INTS1: variants seen among roughly 807,000 people sequenced by gnomAD.
INTS1 encodes integrator complex subunit 1.
A neutral mutation model predicts 241.6 loss-of-function variants in INTS1; 137 were observed. The ratio of observed to expected loss-of-function variants is 0.57; its 90% CI spans 0.49 to 0.65. The LOEUF (loss-of-function observed/expected upper bound fraction) is 0.65, where lower values mean the gene tolerates loss of function less well. Ranked by LOEUF, INTS1 falls within the 30% of genes least tolerant of loss-of-function variation. INTS1 has a pLI of 0.00. For missense variants in INTS1, 3,073 were observed against 3,032.2 expected (o/e 1.01, Z -0.32); for synonymous variants, 1,692 against 1,337.8 (o/e 1.26, Z -5.78).
At position 1,497,272 on chromosome 7, in the gene INTS1, C is replaced by T; in HGVS notation, c.1468G>A (p.Asp490Asn). 2 of 1,613,458 alleles carry T rather than the reference C, an allele frequency of 1.2e-6. No individual in the cohort carries two copies. The highest frequency in any genetic ancestry group is 1.7e-6 in the Non-Finnish European group (2 of 1,179,758). Residue 490 changes from aspartate to asparagine, a missense_variant, in exon 11 of 48, where the codon GAC (aspartate) becomes AAC (asparagine). Transcript: ENST00000404767. This position sits in a 1 kb window ranked among gnomAD's most constrained non-coding sequence, Gnocchi z 5.3. ...VFQDLLTNKD[D>N]YLRASRALLR... ...AGGGCCCGCGAGGCCCGCAGGTAGT[C>T]GTCCTTGTTGGTCAGCAGGTCCTGG...
At position 1,485,186 on chromosome 7, in the gene INTS1, G is replaced by C; in HGVS notation, c.3173C>G (p.Thr1058Ser). 1 of 1,600,518 alleles carries C rather than the reference G, an allele frequency of 6.2e-7. No individual in the cohort carries two copies. Among genetic ancestry groups the C allele is most frequent in the Non-Finnish European group, 8.5e-7 (1 of 1,179,526 alleles). The stretch of plus-strand genomic sequence containing the variant: ...GTAGGCGCTGATGGTCTGGGGATCA[G>C]TCTCCATGTGGATTGCCTGGAGGGG... ...LALQQAIHME[T>S]DPQTISAYLI... Residue 1058 changes from threonine to serine, a missense_variant, in exon 24 of 48, where the codon ACT becomes AGT. By Grantham distance (58) the Thr-to-Ser change is moderately conservative. Transcript: ENST00000404767.
rs145605530 is a variant in INTS1 at position 1,503,840 on chromosome 7, T to TTCCCAAAGAC, written c.58+62_58+63insGTCTTTGGGA. On this transcript the variant is annotated intron_variant, in intron 2 of 47. Transcript: ENST00000404767. ...AACGCAGGATCCGCGGCAGCTGAGA[T>TTCCCAAAGAC]CCCCAAAGACCCCCAAAGACCCCCA... The TTCCCAAAGAC allele has an allele frequency of 3.5e-4, 314 of 898,544 alleles. 7 individuals carry two copies. In the East Asian group the frequency reaches 0.011, roughly 32 times the overall value. 55.7% of individuals were successfully genotyped at this position (898,544 alleles called of 1,614,324 possible).
intron 14 of INTS1, chr7:1,494,444 C>G: frequency 3.0e-6 from 1 of 331,018 alleles, no homozygotes; most frequent in Non-Finnish European, 5.8e-6. Flanking sequence ...TGAGGCCAGC[C>G]GGCTGGGGAA....
chr7:1,494,955 T>G, intron 13 of INTS1, 62 bp from the exon 14 acceptor site: 1 of 1,538,376 alleles, frequency 6.5e-7, no homozygotes, highest in Non-Finnish European at 8.8e-7. Context: ...GCCCCGTTAG[T>G]TCCAGGGAAG....
rs867108578 is a variant in INTS1, at chr7:1,491,094, C to T, written c.2166-1412G>A. On this transcript the variant is annotated intron_variant, in intron 16 of 47. Transcript: ENST00000404767. ...CACACACCAAGTGGATGACAGACTC[C>T]GGAGACTGATCACCAAACTATAACA... 3.6e-4 allele frequency among the ~76,000 whole-genome samples: 55 copies of T among 152,314 alleles called. 1 individual carries two copies. Among genetic ancestry groups the T allele is most frequent in the Middle Eastern group, 6.8e-3 (2 of 294 alleles).
Position 1,472,326 on chromosome 7 carries a change from G to A in INTS1, c.6131C>T (p.Ala2044Val), listed in dbSNP as rs762056371. 6 of 1,571,982 alleles carry A rather than the reference G, an allele frequency of 3.8e-6. No individual in the cohort carries two copies. Among genetic ancestry groups the A allele is most frequent in the Middle Eastern group, 1.7e-4 (1 of 5,836 alleles). ...VSVSLFTPLT[A>V]AEMAPYMKRL... ...TTTCATGTAGGGGGCCATCTCGGCCGCGGTCAGAGGGGTGAACAGGGAGAC... is the reference window on the plus strand; with the variant it reads ...TTTCATGTAGGGGGCCATCTCGGCCACGGTCAGAGGGGTGAACAGGGAGAC... The change falls in exon 44 of 48, where the codon GCG (alanine) becomes GTG (valine). Residue 2044 changes from alanine to valine, a missense_variant. Ala to Val is a moderately conservative substitution (Grantham distance 64). Coordinates refer to ENST00000404767, the MANE Select transcript of INTS1 (RefSeq NM_001080453.3).
intron 3 of INTS1, among the ~76,000 whole-genome samples, chr7:1,501,572 C>A (rs778423784): frequency 1.3e-5 from 2 of 152,170 alleles, no homozygotes; most frequent in Non-Finnish European, 1.5e-5. Context: ...CGTCTCCTCT[C>A]ATCTTCAAAA....
At chr7:1,479,734 G>A (rs1416943559) in intron 30 of INTS1, 50 bp from the exon 31 acceptor site, 27 of 1,433,332 alleles carry the variant, frequency 1.9e-5, no homozygotes, top group African/African-American at 2.9e-5. Flanking sequence ...GAAGGAGGAG[G>A]AGCGCAGCGG....
At chr7:1,475,115 GGC>G (rs1375943738) in intron 39 of INTS1, among the ~76,000 whole-genome samples, 7 of 152,376 alleles carry the variant, frequency 4.6e-5, no homozygotes, top group African/African-American at 1.7e-4. Context: ...CAGGCGCAGT[GGC>G]TCACGCCTGC....
intron 9 of INTS1, 65 bp downstream of exon 9, chr7:1,498,636 CGCTCCG>C: frequency 1.3e-6 from 2 of 1,530,368 alleles, no homozygotes; most frequent in Non-Finnish European, 1.8e-6. Context: ...CCCGCACCCC[CGCTCCG>C]CCCACACCCC....
Position 1,476,608 on chromosome 7 carries a change from GA to G in INTS1, c.5112del (p.Pro1705LeufsTer34). On this transcript the variant is annotated frameshift_variant, in exon 37 of 48. Transcript: ENST00000404767. LOFTEE classifies it high-confidence loss of function. ...SLDFLWACIH[V>X]PRIWQGRDQR... is the part of the protein sequence containing the mutation. ...TGGTCCCGCCCCTGCCAGATGCGAG[GA>G]ACATGGATGCAGGCCCAGAGGAAGT... is the stretch of plus-strand genomic sequence containing the variant. 6.2e-7 allele frequency: 1 copy of G among 1,612,410 alleles called. No homozygotes were observed. Among genetic ancestry groups the G allele is most frequent in the Non-Finnish European group, 8.5e-7 (1 of 1,179,782 alleles).
In INTS1 at chr7:1,499,373, G is replaced by A; in HGVS notation, c.845-13C>T. 6.4e-7 allele frequency: 1 copy of A among 1,568,476 alleles called. No homozygotes were observed. Among genetic ancestry groups the A allele is most frequent in the Non-Finnish European group, 8.7e-7 (1 of 1,154,200 alleles). The stretch of plus-strand genomic sequence containing the variant: ...TGTGGGCTGCTCCCTGCAAACCAAG[G>A]AGAGGGCTCCATGCAGCGCCTCCCA... On this transcript the variant is annotated splice_polypyrimidine_tract_variant and intron_variant, in intron 6 of 47. Transcript: ENST00000404767.
Position 1,487,041 on chromosome 7 carries a change from C to T in INTS1, c.2707G>A (p.Asp903Asn). The stretch of plus-strand genomic sequence containing the variant: ...CACAGACACTGCACGGGCAGCACGT[C>T]CAGGGAGCCCTCGCTGGACTGTACC... ...DLVQSSEGSL[D>N]VLPVQCLCEF... Residue 903 changes from aspartate (D) to asparagine (N), a missense_variant, in exon 21 of 48, where the codon GAC (aspartate) becomes AAC (asparagine). Transcript: ENST00000404767. The T allele has an allele frequency of 6.3e-7, 1 of 1,584,294 alleles. No homozygotes were observed. The highest frequency in any genetic ancestry group is 1.3e-5 in the African/African-American group (1 of 74,610).
intron 39 of INTS1, 102 bp downstream of exon 39, chr7:1,475,846 G>A (rs1052115623): frequency 5.7e-6 from 8 of 1,393,290 alleles, no homozygotes; most frequent in South Asian, 5.4e-5. Flanking sequence ...GGGCAAGAGG[G>A]GTAGCCGGCG....
rs1465207588 is a variant in INTS1 at position 1,494,891 on chromosome 7, A to C, written c.1835T>G (p.Leu612Arg). The change falls in exon 14 of 48, where the codon CTG (leucine) becomes CGG (arginine). Residue 612 changes from leucine (L) to arginine (R), a missense_variant and splice_region_variant. Physicochemically the swap from Leu to Arg is moderately radical, Grantham distance 102 (BLOSUM62 -2). Transcript: ENST00000404767. The stretch of plus-strand genomic sequence containing the variant: ...CTGCTCTGTGAACAGCACCTTGTGC[A>C]GGCTGGGCAGGCAGAGAAGAGCCCT... ...KLAPKDYVHC[L>R]HKVLFTEQPE... 1.3e-6 allele frequency: 2 copies of C among 1,558,460 alleles called. No individual in the cohort carries two copies. The highest frequency in any genetic ancestry group is 3.8e-5 in the Admixed American group (2 of 51,974).
At chr7:1,494,231 C>T (rs908451061) in intron 14 of INTS1, among the ~76,000 whole-genome samples, 2 of 152,196 alleles carry the variant, frequency 1.3e-5, no homozygotes, top group African/African-American at 4.8e-5. Flanking sequence ...TGGTTCTTGC[C>T]CTCAAGGAGC....
rs116382776 is a variant in INTS1 at position 1,481,903 on chromosome 7, G to A, written c.3704-415C>T. Among the ~76,000 whole-genome samples, 392 of 152,250 alleles carry A rather than the reference G, an allele frequency of 2.6e-3. 3 individuals carry two copies. The highest frequency in any genetic ancestry group is 8.9e-3 in the African/African-American group (371 of 41,556). On this transcript the variant is annotated intron_variant, in intron 27 of 47. Transcript: ENST00000404767. This position sits in a 1 kb window ranked among gnomAD's most constrained non-coding sequence, Gnocchi z 6.8. ...GCCCCATCCCCAGGGGTGGGTGGGC[G>A]CTCCAGAGGGCCTATGGTGGCACGG... is the stretch of plus-strand genomic sequence containing the variant.
At chr7:1,495,083 C>G (rs115050935) in intron 13 of INTS1, among the ~76,000 whole-genome samples, 190 bp from the exon 14 acceptor site, 5,303 of 149,726 alleles carry the variant, frequency 0.035, 315 homozygotes, top group African/African-American at 0.13. Flanking sequence ...TGCCAGGCTG[C>G]ACAGCGGCCG....
Position 1,498,843 on chromosome 7 carries a change from GC to G in INTS1, c.1146del (p.Pro383ArgfsTer6), listed in dbSNP as rs1782994360. On this transcript the variant is annotated frameshift_variant, in exon 9 of 48. Transcript: ENST00000404767. LOFTEE classifies it high-confidence loss of function. ...ACGGACATCAGCAGGTCCTGGGCCG[GC>G]CGGGTCAGCTGCGGGGCCGAGGAGG... is the stretch of plus-strand genomic sequence containing the variant. ...EMWLQNPKLT[R>X]PAQDLLMSVC... The G allele has an allele frequency of 1.2e-6, 2 of 1,603,560 alleles. No individual in the cohort carries two copies. The highest frequency in any genetic ancestry group is 1.7e-6 in the Non-Finnish European group (2 of 1,175,830).
Sources: allele counts gnomAD v4.1 joint callset (sites outside exome capture counted in the v4.1 genomes callset), GRCh38; gene constraint gnomAD v4.1.1; non-coding constraint Gnocchi (gnomAD v3.1); transcripts MANE v1.5; gene names NCBI Gene and HGNC (gene_info 2026-07-23, HGNC 2026-07-21).